Variants in SPEF2 observed in about 807,000 individuals in gnomAD.
SPEF2 encodes sperm flagella and cilia-associated protein 2.
Under a neutral mutation model 224.6 loss-of-function variants are expected in SPEF2, and 187 were observed. The observed-to-expected ratio is 0.83, with a 90% CI of 0.74 to 0.94. The LOEUF is 0.94. Ranked by LOEUF, SPEF2 falls within the 40% of genes least tolerant of loss-of-function variation. The pLI, the probability that SPEF2 is intolerant of heterozygous loss-of-function variation, is 0.00. For synonymous variants in SPEF2, 715 were observed against 707.3 expected, an observed-to-expected ratio of 1.01 and a Z score of -0.17; for missense variants, 2,170 against 2,135.6, an observed-to-expected ratio of 1.02 and a Z score of -0.32.
rs76741778 is a variant in SPEF2, at chr5:35,708,832, A to T, written c.2666-116A>T. On this transcript the variant is annotated intron_variant, in intron 18 of 36. Transcript: ENST00000356031. Reference sequence around the variant, plus strand: ...ATTTAAGGGAAAGCCCTAAAGCATGAATTAGCTTTAAATACGTAAGATTGT... The same window carrying T: ...ATTTAAGGGAAAGCCCTAAAGCATGTATTAGCTTTAAATACGTAAGATTGT... 53,505 of 936,238 alleles carry T rather than the reference A, an allele frequency of 0.057. 1,768 individuals are homozygous for T. The highest frequency in any genetic ancestry group is 0.13 in the East Asian group (5,061 of 38,344). 58.0% of individuals were successfully genotyped at this position (936,238 alleles called of 1,614,324 possible).
chr5:35,630,381 T>C (rs1314782978), intron 2 of SPEF2, among the ~76,000 whole-genome samples: 3 of 152,194 alleles, frequency 2.0e-5, no homozygotes, highest in Non-Finnish European at 4.4e-5. Context: ...GAGGGCTCCA[T>C]GCCTGCAGCA....
At chr5:35,778,341 T>G (rs1002372986) in intron 29 of SPEF2, among the ~76,000 whole-genome samples, 2 of 152,148 alleles carry the variant, frequency 1.3e-5, no homozygotes, top group Non-Finnish European at 2.9e-5. Flanking sequence ...CGTATATGAG[T>G]TCACATTAAT....
chr5:35,757,595 TTATAAG>T (rs559391164), intron 24 of SPEF2, among the ~76,000 whole-genome samples: 236 of 152,294 alleles, frequency 1.5e-3, no homozygotes, highest in Middle Eastern at 6.8e-3. Flanking sequence ...CTGCAAGTTC[TTATAAG>T]TATAATTTAC....
chr5:35,748,922 C>G lies in SPEF2; in HGVS notation c.3331-4702C>G, dbSNP rs1486918037. Among the ~76,000 whole-genome samples, 3 of 152,050 alleles carry G rather than the reference C, an allele frequency of 2.0e-5. 1 individual carries two copies. Among genetic ancestry groups the G allele is most frequent in the Non-Finnish European group, 4.4e-5 (3 of 67,984 alleles). Reference sequence around the variant, plus strand: ...CCGATATCCTTGATAAACACAGATGCTAAAATCCTTAACAAAATAGTAGCT... The same window carrying G: ...CCGATATCCTTGATAAACACAGATGGTAAAATCCTTAACAAAATAGTAGCT... On this transcript the variant is annotated intron_variant, in intron 23 of 36. Coordinates refer to ENST00000356031, the MANE Select transcript of SPEF2 (RefSeq NM_024867.4).
intron 10 of SPEF2, among the ~76,000 whole-genome samples, chr5:35,688,626 A>G (rs150462002): frequency 5.9e-5 from 9 of 152,308 alleles, no homozygotes; most frequent in Non-Finnish European, 1.0e-4. Flanking sequence ...GATAAAGTCA[A>G]CATCATATAC....
At chr5:35,812,370 G>T (rs1382194850) in intron 36 of SPEF2, among the ~76,000 whole-genome samples, 1 of 152,084 alleles carries the variant, frequency 6.6e-6, no homozygotes, top group East Asian at 1.9e-4. Flanking sequence ...TTTTGCGTTG[G>T]ACATTATAGG....
intron 2 of SPEF2, among the ~76,000 whole-genome samples, chr5:35,639,486 A>G (rs1448460107): frequency 6.6e-6 from 1 of 152,116 alleles, no homozygotes; most frequent in African/African-American, 2.4e-5. Flanking sequence ...TGGGGATCTT[A>G]TCTAACACTT....
chr5:35,789,491 C>G (rs1282546509), intron 30 of SPEF2: 1 of 656,406 alleles, frequency 1.5e-6, no homozygotes, highest in Non-Finnish European at 2.8e-6. Flanking sequence ...TTTCTTTTCT[C>G]CCCAGACTAG....
chr5:35,768,798 G>A (rs1300071385), intron 26 of SPEF2, among the ~76,000 whole-genome samples: 1 of 152,088 alleles, frequency 6.6e-6, no homozygotes, highest in African/African-American at 2.4e-5. Context: ...TAATGAAACA[G>A]GTGTGATTCA....
chr5:35,705,926 A>G (rs928514299), intron 18 of SPEF2, 118 bp downstream of exon 18: 2 of 571,066 alleles, frequency 3.5e-6, no homozygotes, highest in African/African-American at 2.0e-5. Context: ...GATTTATACT[A>G]TCGACAAATA....
At chr5:35,798,383 C>T (rs1042838094) in intron 33 of SPEF2, among the ~76,000 whole-genome samples, 1 of 152,150 alleles carries the variant, frequency 6.6e-6, no homozygotes, top group Non-Finnish European at 1.5e-5. Flanking sequence ...GCATGCAAGG[C>T]CTGCCCCGAC....
At chr5:35,673,337 C>T (rs972292443) in intron 10 of SPEF2, among the ~76,000 whole-genome samples, 4 of 152,178 alleles carry the variant, frequency 2.6e-5, no homozygotes, top group Non-Finnish European at 5.9e-5. Flanking sequence ...TAATGCAAAT[C>T]CTTTCTGTGG....
chr5:35,806,334 T>C (rs1016798061), intron 34 of SPEF2, among the ~76,000 whole-genome samples: 1 of 152,234 alleles, frequency 6.6e-6, no homozygotes, highest in Non-Finnish European at 1.5e-5. Flanking sequence ...GCAATTGACT[T>C]GCCTTAGCCT....
At chr5:35,807,867 A>C in intron 36 of SPEF2, 2 of 1,492,402 alleles carry the variant, frequency 1.3e-6, no homozygotes, top group Non-Finnish European at 1.8e-6. Context: ...CAGGCCTTTA[A>C]CAGCAGGGAC....
In SPEF2 at chr5:35,737,007, A is replaced by G. The variant is rs141922024; in HGVS notation, c.3064-2912A>G. Among the ~76,000 whole-genome samples the G allele has an allele frequency of 1.7e-3, 258 of 152,230 alleles. 2 individuals carry two copies. Among genetic ancestry groups the G allele is most frequent in the African/African-American group, 6.0e-3 (250 of 41,546 alleles). The stretch of plus-strand genomic sequence containing the variant: ...GGACCACTTCCACCTCTTGGTAGCC[A>G]TTGCTTTGATTGTGCTTTGTCTTCA... On this transcript the variant is annotated intron_variant, in intron 21 of 36. Coordinates refer to ENST00000356031, the MANE Select transcript of SPEF2 (RefSeq NM_024867.4).
rs543738292 is a variant in SPEF2 at position 35,756,855 on chromosome 5, T to TTTTCTA, written c.3469-2690_3469-2685dup. Among the ~76,000 whole-genome samples the TTTTCTA allele has an allele frequency of 1.7e-3, 258 of 152,216 alleles. 2 individuals carry two copies. Among genetic ancestry groups the TTTTCTA allele is most frequent in the African/African-American group, 5.9e-3 (246 of 41,534 alleles). On this transcript the variant is annotated intron_variant, in intron 24 of 36. Transcript: ENST00000356031. ...AGATGCCCTGCAGGAAGGAAATCCT[T>TTTTCTA]TTTCTATTTCTATTTCTATTTCTAT...
intron 23 of SPEF2, among the ~76,000 whole-genome samples, chr5:35,745,888 C>T (rs1748444828): frequency 6.6e-6 from 1 of 152,226 alleles, no homozygotes; most frequent in African/African-American, 2.4e-5. Flanking sequence ...ACCATTAAAC[C>T]ATCAAGGCTA....
At chr5:35,683,309 C>T (rs1421016977) in intron 10 of SPEF2, among the ~76,000 whole-genome samples, 1 of 152,058 alleles carries the variant, frequency 6.6e-6, no homozygotes, top group Non-Finnish European at 1.5e-5. Context: ...CTGGAAAGGT[C>T]AGTGTAGGTC....
At chr5:35,715,807 A>T (rs1742439504) in intron 20 of SPEF2, among the ~76,000 whole-genome samples, 5 of 73,062 alleles carry the variant, frequency 6.8e-5, no homozygotes, top group Non-Finnish European at 8.6e-5. Flanking sequence ...AAATAGGGGG[A>T]TATAATTTCT....
Sources: gnomAD v4.1 joint callset for allele counts (sites outside exome capture counted in the v4.1 genomes callset) on GRCh38, gnomAD v4.1.1 for gene constraint, MANE v1.5 for transcripts, NCBI Gene and HGNC (gene_info 2026-07-23, HGNC 2026-07-21) for gene names.